CDH11: variants seen among roughly 807,000 people sequenced by gnomAD.
CDH11 encodes cadherin-11.
Under a neutral mutation model 67.8 loss-of-function variants are expected in CDH11, and 11 were observed. That is an observed-to-expected ratio of 0.16 (90% CI 0.10 to 0.27). The LOEUF (loss-of-function observed/expected upper bound fraction) is 0.27. Ranked by LOEUF, CDH11 falls within the 10% of genes least tolerant of loss-of-function variation. The probability of loss-of-function intolerance (pLI) is 1.00; values close to 1 mark genes in which losing one functional copy is unlikely to be tolerated. For missense variants in CDH11, 847 were observed against 1,031.2 expected (o/e 0.82, Z 2.45); for synonymous variants, 419 against 400.0 (o/e 1.05, Z -0.57).
At chr16:64,948,758 G>A (rs757494109) in intron 12 of CDH11, 11 of 1,601,958 alleles carry the variant, frequency 6.9e-6, no homozygotes, top group Non-Finnish European at 9.4e-6. Flanking sequence ...TCTTCCCTGG[G>A]AGAGGGGGGT....
intron 2 of CDH11, among the ~76,000 whole-genome samples, chr16:65,042,841 G>A (rs1376062658): frequency 6.6e-6 from 1 of 152,146 alleles, no homozygotes; most frequent in African/African-American, 2.4e-5. Context: ...ATTGTGGACA[G>A]ACATTCCAGC....
chr16:65,096,427 GTGTGTGTGTGTGTGTGTATA>G (rs1382923275), intron 1 of CDH11, among the ~76,000 whole-genome samples: 29 of 143,772 alleles, frequency 2.0e-4, no homozygotes, highest in African/African-American at 7.8e-4. Context: ...GTGTGTGTGT[GTGTGTGTGTGTGTGTGTATA>G]TATATGTTTA....
intron 11 of CDH11, among the ~76,000 whole-genome samples, chr16:64,960,313 T>A (rs1256817697): frequency 6.6e-6 from 1 of 152,176 alleles, no homozygotes; most frequent in East Asian, 1.9e-4. Context: ...TTCTTAAAAT[T>A]TTTGAAGAAG....
chr16:64,959,181 A>G (rs1412405944), intron 11 of CDH11, among the ~76,000 whole-genome samples: 1 of 152,236 alleles, frequency 6.6e-6, no homozygotes, highest in Non-Finnish European at 1.5e-5. Context: ...AAGAAGTACA[A>G]TAAAGAGTAA....
Position 64,946,822 on chromosome 16 carries a change from T to C in CDH11, c.*781A>G. 1 of 866,406 alleles carries C rather than the reference T, an allele frequency of 1.2e-6. No homozygotes were observed. Among genetic ancestry groups the C allele is most frequent in the South Asian group, 5.5e-5 (1 of 18,230 alleles). The allele number at this position is 866,406 out of a possible 1,614,324, so 53.7% of individuals were successfully genotyped here. On this transcript the variant is annotated 3_prime_UTR_variant, in exon 13 of 13. Transcript: ENST00000268603. ...TTTATTTCAAAGATTGCTTCTTATATTGAAGCTCATATTAAAGCAACAGTA... is the reference window on the plus strand; with the variant it reads ...TTTATTTCAAAGATTGCTTCTTATACTGAAGCTCATATTAAAGCAACAGTA...
At chr16:64,991,110 A>G (rs2072618946) in intron 6 of CDH11, among the ~76,000 whole-genome samples, 3 of 152,150 alleles carry the variant, frequency 2.0e-5, no homozygotes, top group Non-Finnish European at 4.4e-5. Flanking sequence ...GAAGCTAGTT[A>G]ACAAAAGGCA....
chr16:64,985,027 C>A (rs965480550), intron 7 of CDH11: 6 of 152,160 alleles, frequency 3.9e-5, no homozygotes, highest in Non-Finnish European at 5.9e-5. Context: ...AGACACTGTG[C>A]GGTGATTTCT....
chr16:65,016,842 T>C (rs2073320585), intron 2 of CDH11, among the ~76,000 whole-genome samples: 2 of 152,172 alleles, frequency 1.3e-5, no homozygotes, highest in Admixed American at 1.3e-4. Context: ...ATTTCTTGAT[T>C]ATATGCTAAA....
intron 7 of CDH11, among the ~76,000 whole-genome samples, chr16:64,983,915 T>C (rs1038522797): frequency 2.0e-5 from 3 of 152,244 alleles, no homozygotes; most frequent in African/African-American, 7.2e-5. Flanking sequence ...ACATAGTCTG[T>C]TGATCTTGCT....
chr16:65,039,806 A>C (rs962712584), intron 2 of CDH11, among the ~76,000 whole-genome samples: 9 of 152,196 alleles, frequency 5.9e-5, no homozygotes, highest in Non-Finnish European at 2.9e-5. Flanking sequence ...TTTGCAGTCT[A>C]CTCATCTGAC....
At chr16:65,016,873 A>C (rs2142565402) in intron 2 of CDH11, among the ~76,000 whole-genome samples, 1 of 152,314 alleles carries the variant, frequency 6.6e-6, no homozygotes, top group South Asian at 2.1e-4. Context: ...ATCATTCATA[A>C]GTTTTCCAGG....
intron 9 of CDH11, 85 bp downstream of exon 9, chr16:64,972,819 C>T: frequency 1.4e-6 from 2 of 1,420,936 alleles, no homozygotes; most frequent in Non-Finnish European, 9.7e-7. Flanking sequence ...GTTAGTCTAT[C>T]TCAGCTATTT....
chr16:65,032,662 G>A (rs1347178957), intron 2 of CDH11, among the ~76,000 whole-genome samples: 2 of 152,166 alleles, frequency 1.3e-5, no homozygotes, highest in East Asian at 1.9e-4. Context: ...TTATATAACA[G>A]AGGTAGTGCC....
Position 65,034,393 on chromosome 16 carries a change from C to T in CDH11, c.-173+19411G>A, listed in dbSNP as rs151335360. Reference sequence around the variant, plus strand: ...CAATGGAAACCCCTGAAAACTAATACGGATAGAGTGGACTAAGATAGATGG... The same window carrying T: ...CAATGGAAACCCCTGAAAACTAATATGGATAGAGTGGACTAAGATAGATGG... On this transcript the variant is annotated intron_variant, in intron 2 of 12. Coordinates refer to ENST00000268603, the MANE Select transcript of CDH11 (RefSeq NM_001797.4). Among the ~76,000 whole-genome samples the T allele has an allele frequency of 2.1e-4, 32 of 152,276 alleles. 1 individual carries two copies. In the South Asian group the frequency reaches 5.8e-3, roughly 28 times the overall value.
At chr16:64,970,334 G>A (rs2071970010) in intron 11 of CDH11, among the ~76,000 whole-genome samples, 1 of 152,114 alleles carries the variant, frequency 6.6e-6, no homozygotes, top group African/African-American at 2.4e-5. Flanking sequence ...CATGGGGAGC[G>A]CCTGTCTGCT....
At chr16:65,119,100 G>A (rs2075286126) in intron 1 of CDH11, 1 of 152,190 alleles carries the variant, frequency 6.6e-6, no homozygotes, top group Non-Finnish European at 1.5e-5. Flanking sequence ...CGAGGTCAAT[G>A]TCATGGCGTT....
chr16:65,082,873 G>A (rs1009052217), intron 1 of CDH11, among the ~76,000 whole-genome samples: 2 of 152,136 alleles, frequency 1.3e-5, no homozygotes, highest in African/African-American at 4.8e-5. Flanking sequence ...TTACCTGTTT[G>A]AAAGGCATCA....
intron 3 of CDH11, 41 bp downstream of exon 3, chr16:65,004,601 G>C (rs772802354): frequency 6.3e-7 from 1 of 1,575,938 alleles, no homozygotes; most frequent in Non-Finnish European, 8.6e-7. Context: ...CTATTCCAAT[G>C]GTGGGTTGGA....
At chr16:65,066,089 G>T (rs1399012655) in intron 1 of CDH11, among the ~76,000 whole-genome samples, 4 of 152,196 alleles carry the variant, frequency 2.6e-5, no homozygotes, top group Non-Finnish European at 5.9e-5. Flanking sequence ...GAGCCTCACT[G>T]GTCTTCAGCT....
Sources: allele counts gnomAD v4.1 joint callset (sites outside exome capture counted in the v4.1 genomes callset), GRCh38; gene constraint gnomAD v4.1.1; transcripts MANE v1.5; gene names NCBI Gene and HGNC (gene_info 2026-07-23, HGNC 2026-07-21).